The following MKLN1 variants were observed in gnomAD, a reference collection of about 807,000 sequenced individuals.
MKLN1 encodes the protein muskelin.
Under a neutral mutation model 99.0 loss-of-function variants are expected in MKLN1, and 18 were observed. The observed-to-expected ratio is 0.18, with a 90% CI of 0.13 to 0.27. The LOEUF (loss-of-function observed/expected upper bound fraction) is 0.27. MKLN1 is among the 10% of genes least tolerant of loss of function. The probability of loss-of-function intolerance (pLI) is 1.00; values close to 1 mark genes in which losing one functional copy is unlikely to be tolerated. For missense variants in MKLN1, 621 were observed against 875.9 expected, an observed-to-expected ratio of 0.71 and a Z score of 3.67; for synonymous variants, 288 against 293.2, an observed-to-expected ratio of 0.98 and a Z score of 0.18.
intron 2 of MKLN1, among the ~76,000 whole-genome samples, chr7:131,156,976 G>GTTA (rs1311337782): frequency 6.6e-6 from 1 of 152,160 alleles, no homozygotes; most frequent in Non-Finnish European, 1.5e-5. Flanking sequence ...GACACAGTGG[G>GTTA]TTATTTGAAG....
chr7:131,180,563 G>A (rs765635218), intron 2 of MKLN1, among the ~76,000 whole-genome samples: 24 of 152,024 alleles, frequency 1.6e-4, no homozygotes, highest in Non-Finnish European at 3.2e-4. Flanking sequence ...GCCGGGTGTG[G>A]TGGCAGGTGC....
intron 3 of MKLN1, among the ~76,000 whole-genome samples, chr7:131,248,220 A>G (rs1797524758): frequency 6.6e-6 from 1 of 152,160 alleles, no homozygotes; most frequent in African/African-American, 2.4e-5. Flanking sequence ...GAAGAAAAAA[A>G]AGAATATAAT....
chr7:131,479,146 T>C (rs1797050308), intron 17 of MKLN1, among the ~76,000 whole-genome samples: 1 of 152,226 alleles, frequency 6.6e-6, no homozygotes, highest in South Asian at 2.1e-4. Context: ...TTTGTTATCT[T>C]AATTGTTCAA....
At position 131,402,598 on chromosome 7, in the gene MKLN1, C is replaced by CAAG. The variant is rs1584702707; in HGVS notation, c.703+3167_703+3169dup. 2.6e-5 allele frequency among the ~76,000 whole-genome samples: 4 copies of CAAG among 152,256 alleles called. No individual in the cohort carries two copies. The East Asian group carries it at 7.7e-4, about 29-fold the overall frequency. ...ACTGTCTGTGGCAACTATAGCCTTA[C>CAAG]AAGATGTGTTTCTTAAATAATAAGA... On this transcript the variant is annotated intron_variant, in intron 6 of 17. Transcript: ENST00000352689.
intron 1 of MKLN1, among the ~76,000 whole-genome samples, chr7:131,334,287 C>A (rs964550156): frequency 6.6e-6 from 1 of 152,172 alleles, no homozygotes; most frequent in South Asian, 2.1e-4. Context: ...TACTATTATG[C>A]CCTTCCTTTT....
intron 6 of MKLN1, among the ~76,000 whole-genome samples, chr7:131,401,816 T>TA (rs993169198): frequency 4.6e-5 from 7 of 151,906 alleles, no homozygotes; most frequent in East Asian, 1.9e-4. Flanking sequence ...ATTATTTCTT[T>TA]AAAAAAAATG....
At chr7:131,450,320 CTG>C (rs1796142557) in intron 12 of MKLN1, among the ~76,000 whole-genome samples, 1 of 152,188 alleles carries the variant, frequency 6.6e-6, no homozygotes, top group African/African-American at 2.4e-5. Flanking sequence ...AGGAGTACAA[CTG>C]TGAATGAGGG....
At chr7:131,375,619 A>G (rs1793622501) in intron 2 of MKLN1, 126 bp downstream of exon 2, 2 of 591,128 alleles carry the variant, frequency 3.4e-6, no homozygotes, top group African/African-American at 3.8e-5. Flanking sequence ...GTAAATTTTT[A>G]TTCTCTCTAT....
chr7:131,120,457 G>A (rs1323861607), intron 1 of MKLN1, among the ~76,000 whole-genome samples: 1 of 141,334 alleles, frequency 7.1e-6, no homozygotes, highest in Non-Finnish European at 1.5e-5. Context: ...GCTGAGGCAA[G>A]AGAATGGCGT....
At chr7:131,259,737 G>T (rs1797706469) in intron 3 of MKLN1, among the ~76,000 whole-genome samples, 1 of 151,854 alleles carries the variant, frequency 6.6e-6, no homozygotes, top group Non-Finnish European at 1.5e-5. Context: ...CAATTTAATG[G>T]CATTAAGTAC....
intron 12 of MKLN1, among the ~76,000 whole-genome samples, chr7:131,454,815 C>T (rs146311541): frequency 2.0e-5 from 3 of 152,280 alleles, no homozygotes; most frequent in East Asian, 3.9e-4. Context: ...TTCTTTGCCT[C>T]CCTGCTTTGG....
intron 1 of MKLN1, among the ~76,000 whole-genome samples, chr7:131,365,116 C>A (rs1427397327): frequency 6.6e-6 from 1 of 152,056 alleles, no homozygotes; most frequent in Non-Finnish European, 1.5e-5. Flanking sequence ...AACCTTAACC[C>A]CATCTGTCAT....
chr7:131,420,944 A>T (rs762254849), intron 8 of MKLN1, among the ~76,000 whole-genome samples: 5 of 152,176 alleles, frequency 3.3e-5, no homozygotes, highest in Non-Finnish European at 7.4e-5. Context: ...TGATAAGTAG[A>T]TCAGGTTATT....
intron 3 of MKLN1, among the ~76,000 whole-genome samples, chr7:131,266,024 A>G (rs771794151): frequency 6.6e-5 from 10 of 152,128 alleles, no homozygotes; most frequent in Non-Finnish European, 1.0e-4. Flanking sequence ...CAACACAAAA[A>G]TTAGCCAGAC....
At chr7:131,327,482 C>T (rs891992873), upstream of MKLN1, 3 of 172,670 alleles carry the variant, frequency 1.7e-5, no homozygotes, top group African/African-American at 7.2e-5. Context: ...CCGTAAAGGA[C>T]TTATAAACTG....
intron 3 of MKLN1, among the ~76,000 whole-genome samples, chr7:131,267,972 A>C (rs1797833009): frequency 6.6e-6 from 1 of 152,202 alleles, no homozygotes; most frequent in Non-Finnish European, 1.5e-5. Flanking sequence ...GTTTCTTACC[A>C]GTTTTTTTTC....
At chr7:131,429,169 A>AC (rs775937709) in intron 9 of MKLN1, 24 bp downstream of exon 9, 9 of 1,517,002 alleles carry the variant, frequency 5.9e-6, no homozygotes, top group African/African-American at 1.4e-5. Flanking sequence ...CTTTTCATAC[A>AC]TCTATATTAC....
intron 12 of MKLN1, among the ~76,000 whole-genome samples, chr7:131,453,664 C>T (rs1458911768): frequency 6.6e-6 from 1 of 151,904 alleles, no homozygotes; most frequent in Non-Finnish European, 1.5e-5. Flanking sequence ...TTTTAATAAT[C>T]TAGGATTAAG....
chr7:131,128,024 G>C (rs1299831546), intron 1 of MKLN1, among the ~76,000 whole-genome samples: 2 of 152,146 alleles, frequency 1.3e-5, no homozygotes, highest in African/African-American at 4.8e-5. Context: ...GCTGTGGTCT[G>C]TTTCTACTAG....
Sources: gnomAD v4.1 joint callset for allele counts (sites outside exome capture counted in the v4.1 genomes callset) on GRCh38, gnomAD v4.1.1 for gene constraint, MANE v1.5 for transcripts, NCBI Gene and HGNC (gene_info 2026-07-23, HGNC 2026-07-21) for gene names.